The following MBOAT4 variants were observed in gnomAD, a reference collection of about 807,000 sequenced individuals.
The protein encoded by MBOAT4 is membrane-bound ghrelin O-acyltransferase MBOAT4.
A neutral mutation model predicts 13.2 loss-of-function variants in MBOAT4; 11 were observed. That is an observed-to-expected ratio of 0.84 (90% CI 0.53 to 1.38). The LOEUF (loss-of-function observed/expected upper bound fraction) is 1.38. MBOAT4 is among the 40% of genes most tolerant of loss of function. MBOAT4 has a pLI of 0.00. For missense variants in MBOAT4, 481 were observed against 527.2 expected (o/e 0.91, Z 0.86); for synonymous variants, 202 against 210.3 (o/e 0.96, Z 0.34).
chr8:30,140,364 A>G (rs1803242774), intron 1 of MBOAT4, among the ~76,000 whole-genome samples: 1 of 152,044 alleles, frequency 6.6e-6, no homozygotes, highest in Non-Finnish European at 1.5e-5. Flanking sequence ...CTGGGGTTAC[A>G]GGCATAAGCC....
Position 30,138,718 on chromosome 8 carries a change from A to ACGGCCAGGGCACCTCCTC in MBOAT4, c.140_157dup (p.Gly47_Ala52dup), listed in dbSNP as rs1298307576. Reference sequence around the variant, plus strand: ...CACGGCGTAGGAACCCATGGCAGCCACGGCCAGGGCACCTCCTCCAGTCAG... The same window carrying ACGGCCAGGGCACCTCCTC: ...CACGGCGTAGGAACCCATGGCAGCCACGGCCAGGGCACCTCCTCCGGCCAGGGCACCTCCTCCAGTCAG... On this transcript the variant is annotated inframe_insertion, in exon 2 of 3. Transcript: ENST00000320542. The ACGGCCAGGGCACCTCCTC allele has an allele frequency of 1.9e-6, 3 of 1,550,110 alleles. No individual in the cohort carries two copies.
chr8:30,141,372 T>A (rs1272610161), intron 1 of MBOAT4, among the ~76,000 whole-genome samples: 4 of 152,156 alleles, frequency 2.6e-5, no homozygotes, highest in Non-Finnish European at 4.4e-5. Flanking sequence ...TGGTGGCTCA[T>A]GCTTGTAATC....
chr8:30,137,695 A>G (rs1356987590), intron 2 of MBOAT4: 2 of 583,042 alleles, frequency 3.4e-6, no homozygotes, highest in Admixed American at 6.3e-5. Flanking sequence ...CATTCCCGGG[A>G]CTCATTTTGG....
chr8:30,143,417 A>C (rs949907380), intron 1 of MBOAT4, among the ~76,000 whole-genome samples: 12 of 151,038 alleles, frequency 7.9e-5, no homozygotes, highest in Non-Finnish European at 1.3e-4. Flanking sequence ...AAATAAAATA[A>C]AAAATGTATT....
At chr8:30,139,910 A>G (rs951843931) in intron 1 of MBOAT4, among the ~76,000 whole-genome samples, 1 of 152,236 alleles carries the variant, frequency 6.6e-6, no homozygotes, top group South Asian at 2.1e-4. Context: ...CACTTGAGCG[A>G]TGATGACACC....
At chr8:30,134,095 C>T (rs1268484100) in intron 2 of MBOAT4, among the ~76,000 whole-genome samples, 2 of 152,198 alleles carry the variant, frequency 1.3e-5, no homozygotes, top group Non-Finnish European at 2.9e-5. Flanking sequence ...GATTTCAAAA[C>T]AATTATGTAA....
At chr8:30,135,028 C>T (rs916481315) in intron 2 of MBOAT4, among the ~76,000 whole-genome samples, 2 of 150,586 alleles carry the variant, frequency 1.3e-5, no homozygotes, top group African/African-American at 2.4e-5. Context: ...TTCAGACATG[C>T]GCTACCACGC....
intron 2 of MBOAT4, among the ~76,000 whole-genome samples, chr8:30,136,164 G>A (rs1037854763): frequency 6.6e-6 from 1 of 152,104 alleles, no homozygotes. Flanking sequence ...TGTGCTTATG[G>A]TCTAACCCCA....
intron 2 of MBOAT4, among the ~76,000 whole-genome samples, chr8:30,133,344 T>A (rs910235685): frequency 6.6e-6 from 1 of 152,264 alleles, no homozygotes; most frequent in Admixed American, 6.5e-5. Context: ...GTTGTTTGAA[T>A]TTTTTGTAAT....
intron 1 of MBOAT4, among the ~76,000 whole-genome samples, chr8:30,139,465 C>T (rs1803224638): frequency 6.6e-6 from 1 of 152,114 alleles, no homozygotes; most frequent in African/African-American, 2.4e-5. Context: ...CCCTAGGCAT[C>T]CTCTCAAGAC....
At position 30,131,842 on chromosome 8, in the gene MBOAT4, A is replaced by T; in HGVS notation, c.*101T>A. The stretch of plus-strand genomic sequence containing the variant: ...ATATCCATCCAAAACTTTAGAAAAA[A>T]TTTTATTATGGAAAAGTTCAAATGT... On this transcript the variant is annotated 3_prime_UTR_variant, in exon 3 of 3. Transcript: ENST00000320542. 1 of 1,401,592 alleles carries T rather than the reference A, an allele frequency of 7.1e-7. No individual in the cohort carries two copies. The highest frequency in any genetic ancestry group is 9.4e-7 in the Non-Finnish European group (1 of 1,058,278). The allele number at this position is 1,401,592 out of a possible 1,614,324, so 86.8% of individuals were successfully genotyped here.
rs116414069 is a variant in MBOAT4 at position 30,136,650 on chromosome 8, G to A, written c.344+1882C>T. Among the ~76,000 whole-genome samples the A allele has an allele frequency of 2.0e-3, 301 of 151,192 alleles. 3 individuals carry two copies. The highest frequency in any genetic ancestry group is 6.8e-3 in the African/African-American group (281 of 41,174). On this transcript the variant is annotated intron_variant, in intron 2 of 2. Coordinates refer to ENST00000320542, the MANE Select transcript of MBOAT4 (RefSeq NM_001100916.2). The stretch of plus-strand genomic sequence containing the variant: ...CTCCATCCCATTTGGTACTTCCTAC[G>A]CCCCACCCACCTGCCATCTTGCCTT...
chr8:30,143,853 G>C (rs1019513408), intron 1 of MBOAT4, among the ~76,000 whole-genome samples: 1 of 152,216 alleles, frequency 6.6e-6, no homozygotes, highest in East Asian at 1.9e-4. Flanking sequence ...GAGATCCATG[G>C]TTGACAGAGA....
rs11430475 is a variant in MBOAT4 at position 30,133,788 on chromosome 8, C to CAAA, written c.345-885_345-883dup. 4.9e-3 allele frequency among the ~76,000 whole-genome samples: 603 copies of CAAA among 122,920 alleles called. 15 individuals are homozygous for CAAA. Among genetic ancestry groups the CAAA allele is most frequent in the Middle Eastern group, 8.0e-3 (2 of 250 alleles). 80.6% of individuals were successfully genotyped at this position (122,920 alleles called of 152,430 possible). ...TACACATCCAAGTGAGACCCTGTCTCAAAAAAAAAAAAAAAAAGAAAGAGA... is the reference window on the plus strand; with the variant it reads ...TACACATCCAAGTGAGACCCTGTCTCAAAAAAAAAAAAAAAAAAAAGAAAGAGA... On this transcript the variant is annotated intron_variant, in intron 2 of 2. Transcript: ENST00000320542.
chr8:30,139,118 C>T (rs1300725025), intron 1 of MBOAT4, among the ~76,000 whole-genome samples: 1 of 151,772 alleles, frequency 6.6e-6, no homozygotes, highest in African/African-American at 2.4e-5. Context: ...CACCACCATG[C>T]CTGGTTAGCT....
chr8:30,136,295 T>G (rs979065178), intron 2 of MBOAT4, among the ~76,000 whole-genome samples: 3 of 152,104 alleles, frequency 2.0e-5, no homozygotes, highest in Admixed American at 1.3e-4. Flanking sequence ...AACAGACAAT[T>G]AGGACACAGA....
chr8:30,139,861 G>T (rs761703391), intron 1 of MBOAT4, among the ~76,000 whole-genome samples: 16 of 152,140 alleles, frequency 1.1e-4, no homozygotes, highest in Non-Finnish European at 2.4e-4. Context: ...TCAGGAGTCT[G>T]AGGTGGGAGG....
At chr8:30,139,558 G>A (rs1010806519) in intron 1 of MBOAT4, among the ~76,000 whole-genome samples, 2 of 152,128 alleles carry the variant, frequency 1.3e-5, no homozygotes, top group African/African-American at 2.4e-5. Flanking sequence ...ACTTCCCTTC[G>A]AAAAGTGAAA....
intron 2 of MBOAT4, among the ~76,000 whole-genome samples, chr8:30,136,337 C>T (rs186443786): frequency 1.5e-3 from 230 of 152,308 alleles, no homozygotes; most frequent in African/African-American, 4.9e-3. Context: ...GACCATCACG[C>T]GGACATACAG....
Sources: gnomAD v4.1 joint callset for allele counts (sites outside exome capture counted in the v4.1 genomes callset) on GRCh38, gnomAD v4.1.1 for gene constraint, MANE v1.5 for transcripts, NCBI Gene and HGNC (gene_info 2026-07-23, HGNC 2026-07-21) for gene names.